KEAP1: variants seen among roughly 807,000 people sequenced by gnomAD.
The protein encoded by KEAP1 is kelch-like ECH-associated protein 1.
In KEAP1, 26 loss-of-function variants were observed where a neutral mutation model predicts 59.7. The observed-to-expected ratio is 0.44, with a 90% CI of 0.32 to 0.60. KEAP1 has a LOEUF of 0.60. Ranked by LOEUF, KEAP1 falls within the 20% of genes least tolerant of loss-of-function variation. The pLI, the probability that KEAP1 is intolerant of heterozygous loss-of-function variation, is 0.06. For missense variants in KEAP1, 539 were observed against 871.4 expected, an observed-to-expected ratio of 0.62 and a Z score of 4.80; for synonymous variants, 350 against 358.3, an observed-to-expected ratio of 0.98 and a Z score of 0.26.
At chr19:10,494,647 CTG>C in intron 2 of KEAP1, among the ~76,000 whole-genome samples, 1 of 119,190 alleles carries the variant, frequency 8.4e-6, no homozygotes, top group South Asian at 2.9e-4. Flanking sequence ...TCTGAGTTTT[CTG>C]TTTGTTTCTT....
chr19:10,497,907 CT>C (rs944654196), intron 2 of KEAP1, among the ~76,000 whole-genome samples: 8 of 148,388 alleles, frequency 5.4e-5, no homozygotes, highest in Admixed American at 6.8e-5. Context: ...AAAACTTTTT[CT>C]TTTTTTTTTG....
rs1639714075 is a variant in KEAP1, at chr19:10,499,829, C to G, written c.205G>C (p.Glu69Gln). The change falls in exon 2 of 6, where the codon GAG becomes CAG. Residue 69 changes from glutamate to glutamine, a missense_variant. Glu to Gln is a conservative substitution (Grantham distance 29). Around this residue, in one of 4 missense-constraint regions of KEAP1, gnomAD observed 166 missense variants for 295.8 expected, o/e 0.56. Transcript: ENST00000171111. The surrounding 1 kb of genome is among the most constrained non-coding windows in gnomAD (Gnocchi z 6.7). ...HTKQAFGIMNELRLSQQLCDV... is the reference protein window; with the variant it reads ...HTKQAFGIMNQLRLSQQLCDV... ...CACAGCTGCTGGCTGAGCCGCAGCT[C>G]GTTCATGATGCCAAAGGCCTGCTTG... The G allele has an allele frequency of 6.2e-7, 1 of 1,613,816 alleles. No homozygotes were observed. Among genetic ancestry groups the G allele is most frequent in the Non-Finnish European group, 8.5e-7 (1 of 1,180,012 alleles).
rs746815974 is a variant in KEAP1, at chr19:10,491,749, C to A, written c.1153G>T (p.Asp385Tyr). The A allele has an allele frequency of 6.4e-7, 1 of 1,566,170 alleles. No individual in the cohort carries two copies. The highest frequency in any genetic ancestry group is 8.7e-7 in the Non-Finnish European group (1 of 1,155,174). ...AGGGCGCTGGAGTCGGTGTTGCCGT[C>A]GGGCGAGTTGTTCCTGCCGCCCACG... is the stretch of plus-strand genomic sequence containing the variant. ...YAVGGRNNSP[D>Y]GNTDSSALDC... is the part of the protein sequence containing the mutation. Residue 385 changes from aspartate to tyrosine, a missense_variant, in exon 3 of 6, where the codon GAC becomes TAC. Around this residue, in one of 4 missense-constraint regions of KEAP1, gnomAD observed 311 missense variants for 425.2 expected, o/e 0.73. Coordinates refer to ENST00000171111, the MANE Select transcript of KEAP1 (RefSeq NM_203500.2). The surrounding 1 kb of genome is among the most constrained non-coding windows in gnomAD (Gnocchi z 5.2).
Position 10,489,176 on chromosome 19 carries a change from G to A in KEAP1, c.1708+16C>T, listed in dbSNP as rs556422233. The A allele has an allele frequency of 3.1e-5, 45 of 1,449,508 alleles. 1 individual carries two copies. In the East Asian group the frequency reaches 3.2e-4, roughly 10 times the overall value. 89.8% of individuals were successfully genotyped at this position (1,449,508 alleles called of 1,614,324 possible). Reference sequence around the variant, plus strand: ...GATGGGCTAGTCAGGACTCTTCCCCGCCCCCAGGGCCTCACCAAGGACGTA... The same window carrying A: ...GATGGGCTAGTCAGGACTCTTCCCCACCCCCAGGGCCTCACCAAGGACGTA... On this transcript the variant is annotated intron_variant, in intron 5 of 5. Coordinates refer to ENST00000171111, the MANE Select transcript of KEAP1 (RefSeq NM_203500.2).
chr19:10,499,647 G>A lies in KEAP1; in HGVS notation c.387C>T (p.His129=), dbSNP rs2144627078. 6.2e-7 allele frequency: 1 copy of A among 1,614,072 alleles called. No homozygotes were observed. The highest frequency in any genetic ancestry group is 8.5e-7 in the Non-Finnish European group (1 of 1,180,032). The change falls in exon 2 of 6, where the codon CAC becomes CAT. Residue 129 remains histidine, a synonymous_variant. Coordinates refer to ENST00000171111, the MANE Select transcript of KEAP1 (RefSeq NM_203500.2). This position sits in a 1 kb window ranked among gnomAD's most constrained non-coding sequence, Gnocchi z 6.7. ...GMEVVSIEGI[H]PKVMERLIEF... ...CAATGAGGCGCTCCATGACCTTGGG[G>A]TGGATACCCTCAATGGACACCACCT...
At position 10,489,310 on chromosome 19, in the gene KEAP1, C is replaced by G. The variant is rs2144587187; in HGVS notation, c.1590G>C (p.Gln530His). 1 of 1,614,084 alleles carries G rather than the reference C, an allele frequency of 6.2e-7. No individual in the cohort carries two copies. Residue 530 changes from glutamine to histidine, a missense_variant, in exon 5 of 6, where the codon CAG (glutamine) becomes CAC (histidine). Physicochemically the swap from Gln to His is conservative, Grantham distance 24. Transcript: ENST00000171111. Reference protein sequence around the residue: ...YAAGGYDGQDQLNSVERYDVE... With the variant: ...YAAGGYDGQDHLNSVERYDVE... ...CATCGTAGCGCTCCACGCTGTTCAG[C>G]TGGTCCTGACCATCATAGCCCCCAG...
intron 3 of KEAP1, chr19:10,490,846 A>T (rs1914645736): frequency 6.6e-6 from 1 of 152,206 alleles, no homozygotes. Flanking sequence ...TGGCTCAGCC[A>T]GATCCCCCAC....
Position 10,489,320 on chromosome 19 carries a change from C to T in KEAP1, c.1580G>A (p.Gly527Asp), listed in dbSNP as rs764341355. 4 of 1,614,026 alleles carry T rather than the reference C, an allele frequency of 2.5e-6. No individual in the cohort carries two copies. Among genetic ancestry groups the T allele is most frequent in the Non-Finnish European group, 2.5e-6 (3 of 1,180,008 alleles). Residue 527 changes from glycine (G) to aspartate (D), a missense_variant, in exon 5 of 6, where the codon GGT becomes GAT. Transcript: ENST00000171111. Reference sequence around the variant, plus strand: ...CTCCACGCTGTTCAGCTGGTCCTGACCATCATAGCCCCCAGCAGCATAGAT... The same window carrying T: ...CTCCACGCTGTTCAGCTGGTCCTGATCATCATAGCCCCCAGCAGCATAGAT... ...NCIYAAGGYDGQDQLNSVERY... is the reference protein window; with the variant it reads ...NCIYAAGGYDDQDQLNSVERY...
At position 10,497,371 on chromosome 19, in the gene KEAP1, A is replaced by G. The variant is rs1914887472; in HGVS notation, c.639+2024T>C. 3.3e-5 allele frequency among the ~76,000 whole-genome samples: 5 copies of G among 152,310 alleles called. No individual in the cohort carries two copies. The South Asian group carries it at 1.0e-3, about 32-fold the overall frequency. On this transcript the variant is annotated intron_variant, in intron 2 of 5. Transcript: ENST00000171111. ...GGAGAGAAATAGAGATCAGTGTAAC[A>G]TCCATCCCAGCTGGTACCAGCCAGT...
Position 10,499,265 on chromosome 19 carries a change from C to A in KEAP1, c.639+130G>T. The A allele has an allele frequency of 1.1e-6, 1 of 873,376 alleles. No homozygotes were observed. The highest frequency in any genetic ancestry group is 1.7e-6 in the Non-Finnish European group (1 of 574,740). 54.1% of individuals were successfully genotyped at this position (873,376 alleles called of 1,614,324 possible). Reference sequence around the variant, plus strand: ...CCCTCAAACTGTGGAGACTACACCACCATACCCAGCCCAGAACCTCCTTTT... The same window carrying A: ...CCCTCAAACTGTGGAGACTACACCAACATACCCAGCCCAGAACCTCCTTTT... On this transcript the variant is annotated intron_variant, in intron 2 of 5. Coordinates refer to ENST00000171111, the MANE Select transcript of KEAP1 (RefSeq NM_203500.2). The surrounding 1 kb of genome is among the most constrained non-coding windows in gnomAD (Gnocchi z 6.7).
chr19:10,486,549 A>G lies in KEAP1; in HGVS notation c.*103T>C, dbSNP rs1377074692. On this transcript the variant is annotated 3_prime_UTR_variant, in exon 6 of 6. Transcript: ENST00000171111. ...GCATCCTGGCCTCCCTTCCCGGAAGATGGGTTATTTGCAGTGCTGTCTTTT... is the reference window on the plus strand; with the variant it reads ...GCATCCTGGCCTCCCTTCCCGGAAGGTGGGTTATTTGCAGTGCTGTCTTTT... 1.7e-6 allele frequency: 2 copies of G among 1,166,720 alleles called. No individual in the cohort carries two copies. The highest frequency in any genetic ancestry group is 2.5e-6 in the Non-Finnish European group (2 of 810,190). 72.3% of individuals were successfully genotyped at this position (1,166,720 alleles called of 1,614,324 possible). A position where few individuals can be genotyped will look rare whatever the true frequency, so the allele number is the denominator to read the frequency against.
At position 10,486,747 on chromosome 19, in the gene KEAP1, C is replaced by T. The variant is rs145780935; in HGVS notation, c.1780G>A (p.Val594Met). 4.1e-5 allele frequency: 66 copies of T among 1,613,982 alleles called. No homozygotes were observed. The highest frequency in any genetic ancestry group is 5.4e-5 in the Non-Finnish European group (64 of 1,180,032). Reference sequence around the variant, plus strand: ...CTCCGGCCCGATGTCATTCGGGTCACCTCGCTCCAGGTGTCTGTATCTGGG... The same window carrying T: ...CTCCGGCCCGATGTCATTCGGGTCATCTCGCTCCAGGTGTCTGTATCTGGG... ...YDPDTDTWSE[V>M]TRMTSGRSGV... Residue 594 changes from valine to methionine, a missense_variant, in exon 6 of 6, where the codon GTG (valine) becomes ATG (methionine). Val to Met is a conservative substitution (Grantham distance 21). Coordinates refer to ENST00000171111, the MANE Select transcript of KEAP1 (RefSeq NM_203500.2).
rs2144625721 is a variant in KEAP1 at position 10,499,534 on chromosome 19, A to G, written c.500T>C (p.Val167Ala). 6.2e-7 allele frequency: 1 copy of G among 1,614,120 alleles called. No homozygotes were observed. The highest frequency in any genetic ancestry group is 8.5e-7 in the Non-Finnish European group (1 of 1,180,040). Reference protein sequence around the residue: ...NGAVMYQIDSVVRACSDFLVQ... With the variant: ...NGAVMYQIDSAVRACSDFLVQ... ...CAGGAAGTCACTGCAGGCACGGACA[A>G]CGCTGTCGATCTGGTACATGACAGC... The change falls in exon 2 of 6, where the codon GTT (valine) becomes GCT (alanine). Residue 167 changes from valine (V) to alanine (A), a missense_variant. Val to Ala is a moderately conservative substitution (Grantham distance 64). Coordinates refer to ENST00000171111, the MANE Select transcript of KEAP1 (RefSeq NM_203500.2). This position sits in a 1 kb window ranked among gnomAD's most constrained non-coding sequence, Gnocchi z 6.7.
chr19:10,500,197 A>G (rs1914993598), intron 1 of KEAP1, 117 bp from the exon 2 acceptor site: 1 of 732,640 alleles, frequency 1.4e-6, no homozygotes, highest in Non-Finnish European at 2.2e-6. Context: ...AAGTAGGTGA[A>G]GCAGAATCCA....
intron 2 of KEAP1, 144 bp from the exon 3 acceptor site, chr19:10,492,406 C>G: frequency 3.0e-6 from 2 of 661,240 alleles, no homozygotes; most frequent in Non-Finnish European, 5.2e-6. Context: ...ATAGGAACCG[C>G]GTACATTGTG....
In KEAP1 at chr19:10,499,632, C is replaced by T. The variant is rs2144626933; in HGVS notation, c.402G>A (p.Glu134=). ...CCGTGTAGGCGAATTCAATGAGGCG[C>T]TCCATGACCTTGGGGTGGATACCCT... The part of the protein sequence containing the change: ...SIEGIHPKVM[E]RLIEFAYTAS... The change falls in exon 2 of 6, where the codon GAG becomes GAA. Residue 134 remains glutamate (E), a synonymous_variant. Transcript: ENST00000171111. The surrounding 1 kb of genome is among the most constrained non-coding windows in gnomAD (Gnocchi z 6.7). 1.9e-6 allele frequency: 3 copies of T among 1,614,104 alleles called. No homozygotes were observed. The highest frequency in any genetic ancestry group is 1.1e-5 in the South Asian group (1 of 91,090).
At chr19:10,496,515 A>AG in intron 2 of KEAP1, among the ~76,000 whole-genome samples, 1 of 146,354 alleles carries the variant, frequency 6.8e-6, no homozygotes, top group East Asian at 2.0e-4. Flanking sequence ...AAAAAAAAAA[A>AG]AGGGGGCTTG....
chr19:10,489,461 C>G (rs1914593873), intron 4 of KEAP1, 93 bp from the exon 5 acceptor site: 1 of 1,352,278 alleles, frequency 7.4e-7, no homozygotes, highest in Admixed American at 2.1e-5. Context: ...CCTCTCTCCT[C>G]TCCCTTCTCA....
intron 2 of KEAP1, among the ~76,000 whole-genome samples, chr19:10,496,495 C>T (rs111317755): frequency 0.036 from 4,886 of 137,112 alleles, 279 homozygotes; most frequent in African/African-American, 0.12. Context: ...ACTCTGTCCC[C>T]CACCCCCAAA....
Sources: allele counts gnomAD v4.1 joint callset (sites outside exome capture counted in the v4.1 genomes callset), GRCh38; gene constraint gnomAD v4.1.1; regional missense constraint gnomAD v4.1.1; non-coding constraint Gnocchi (gnomAD v3.1); transcripts MANE v1.5; gene names NCBI Gene and HGNC (gene_info 2026-07-23, HGNC 2026-07-21).